The following MSI2 variants were observed in gnomAD, a reference collection of about 807,000 sequenced individuals.
MSI2 encodes musashi RNA binding protein 2, also known as RNA-binding protein Musashi homolog 2.
In MSI2, 17 loss-of-function variants were observed where a neutral mutation model predicts 45.6. That is an observed-to-expected ratio of 0.37 (90% CI 0.26 to 0.56). The LOEUF is 0.56. Among genes scored for constraint, MSI2 ranks in the 20% least tolerant of loss-of-function variants. The pLI, the probability that MSI2 is intolerant of heterozygous loss-of-function variation, is 0.77. For synonymous variants in MSI2, 156 were observed against 158.2 expected (o/e 0.99, Z 0.11); for missense variants, 293 against 444.2 (o/e 0.66, Z 3.06).
intron 7 of MSI2, among the ~76,000 whole-genome samples, chr17:57,589,600 G>T (rs776991089): frequency 6.6e-6 from 1 of 152,198 alleles, no homozygotes; most frequent in Admixed American, 6.5e-5. Flanking sequence ...ACTGGGGCTC[G>T]ACTTGTGACG....
At chr17:57,483,402 T>C (rs1485837020) in intron 6 of MSI2, among the ~76,000 whole-genome samples, 2 of 152,178 alleles carry the variant, frequency 1.3e-5, no homozygotes, top group Non-Finnish European at 2.9e-5. Context: ...AATATTAGGG[T>C]GCATCCGAAT....
chr17:57,679,333 G>C (rs1913459649), intron 13 of MSI2, among the ~76,000 whole-genome samples: 1 of 152,192 alleles, frequency 6.6e-6, no homozygotes, highest in African/African-American at 2.4e-5. Flanking sequence ...CCCAGTGTCA[G>C]GTATGGTTTA....
downstream of MSI2, among the ~76,000 whole-genome samples, chr17:57,688,618 C>T (rs1417736253): frequency 6.6e-6 from 1 of 151,958 alleles, no homozygotes; most frequent in Non-Finnish European, 1.5e-5. Context: ...TTGAAAAATA[C>T]ATATATATGT....
Position 57,257,448 on chromosome 17 carries a change from C to A in MSI2, c.104-18C>A. 7.9e-7 allele frequency: 1 copy of A among 1,268,798 alleles called. No individual in the cohort carries two copies. Among genetic ancestry groups the A allele is most frequent in the South Asian group, 1.2e-5 (1 of 80,380 alleles). 78.6% of individuals were successfully genotyped at this position (1,268,798 alleles called of 1,614,324 possible). A position where few individuals can be genotyped will look rare whatever the true frequency, so the allele number is the denominator to read the frequency against. ...CACCTTCTCTCCCCCCCCCATCTCTCTCTTTCTCTCTCTACAGATAGCCTT... is the reference window on the plus strand; with the variant it reads ...CACCTTCTCTCCCCCCCCCATCTCTATCTTTCTCTCTCTACAGATAGCCTT... On this transcript the variant is annotated intron_variant, in intron 2 of 13. Transcript: ENST00000284073.
intron 5 of MSI2, among the ~76,000 whole-genome samples, chr17:57,371,655 G>C (rs1036441531): frequency 1.3e-5 from 2 of 151,936 alleles, no homozygotes; most frequent in East Asian, 3.9e-4. Flanking sequence ...TGTCTATGTG[G>C]TGTTGTGACT....
At chr17:57,518,284 A>G (rs2086511719) in intron 6 of MSI2, among the ~76,000 whole-genome samples, 1 of 152,186 alleles carries the variant, frequency 6.6e-6, no homozygotes, top group African/African-American at 2.4e-5. Flanking sequence ...TGGGATTGGA[A>G]CCAAGATTTT....
At chr17:57,495,353 T>C (rs2085955056) in intron 6 of MSI2, among the ~76,000 whole-genome samples, 1 of 151,622 alleles carries the variant, frequency 6.6e-6, no homozygotes. Context: ...ACCAACATAG[T>C]GAAACCCCGT....
intron 8 of MSI2, among the ~76,000 whole-genome samples, chr17:57,602,345 G>GTTTGT (rs760121833): frequency 1.1e-4 from 17 of 151,602 alleles, no homozygotes; most frequent in South Asian, 4.2e-4. Flanking sequence ...TTTGTTTTTT[G>GTTTGT]TTTGTTTTGT....
At chr17:57,472,695 C>G (rs371016503) in intron 6 of MSI2, among the ~76,000 whole-genome samples, 6 of 152,088 alleles carry the variant, frequency 3.9e-5, no homozygotes, top group Non-Finnish European at 8.8e-5. Flanking sequence ...GTTGTTATTG[C>G]GTTGCTGTGC....
intron 6 of MSI2, among the ~76,000 whole-genome samples, chr17:57,409,069 G>T (rs1249605942): frequency 6.6e-6 from 1 of 152,074 alleles, no homozygotes; most frequent in African/African-American, 2.4e-5. Flanking sequence ...CTTGGTATTT[G>T]TGAATTAGCT....
intron 6 of MSI2, among the ~76,000 whole-genome samples, chr17:57,411,760 G>A (rs1052832147): frequency 6.6e-6 from 1 of 152,092 alleles, no homozygotes; most frequent in Non-Finnish European, 1.5e-5. Context: ...TGTAATCCCA[G>A]CACTTTGGGA....
At chr17:57,310,346 T>C (rs970690304) in intron 5 of MSI2, among the ~76,000 whole-genome samples, 1 of 151,724 alleles carries the variant, frequency 6.6e-6, no homozygotes, top group African/African-American at 2.4e-5. Flanking sequence ...TTTTTTTTTT[T>C]TTTCCGAGTT....
At chr17:57,440,432 G>GTA (rs1007050650) in intron 6 of MSI2, among the ~76,000 whole-genome samples, 1 of 146,642 alleles carries the variant, frequency 6.8e-6, no homozygotes, top group Non-Finnish European at 1.5e-5. Context: ...GTGTGTGTGT[G>GTA]TGTGTGTGTG....
At chr17:57,388,678 A>C (rs1256211285) in intron 5 of MSI2, among the ~76,000 whole-genome samples, 1 of 150,882 alleles carries the variant, frequency 6.6e-6, no homozygotes, top group Non-Finnish European at 1.5e-5. Context: ...TTTTTTGGAG[A>C]CTTCTTGCTT....
intron 10 of MSI2, chr17:57,632,476 C>G (rs912024897): frequency 6.6e-6 from 7 of 1,066,100 alleles, no homozygotes; most frequent in Non-Finnish European, 5.7e-6. Context: ...TGCCACATGA[C>G]AGGCACGGTG....
chr17:57,329,530 G>GAA (rs1418477202), intron 5 of MSI2, among the ~76,000 whole-genome samples: 1 of 152,194 alleles, frequency 6.6e-6, no homozygotes, highest in Non-Finnish European at 1.5e-5. Flanking sequence ...GGGTGGGCCA[G>GAA]AAACTCATAG....
In MSI2 at chr17:57,681,681, G is replaced by T. The variant is rs1266114091; in HGVS notation, c.*2164G>T. On this transcript the variant is annotated 3_prime_UTR_variant, in exon 14 of 14. Coordinates refer to ENST00000284073, the MANE Select transcript of MSI2 (RefSeq NM_138962.4). ...TGTTTTTCTAATAAAATGTTAGGTT[G>T]TTTGGTGAGGTTTTTTTGTTGTTTT... is the stretch of plus-strand genomic sequence containing the variant. 5.3e-6 allele frequency: 1 copy of T among 190,370 alleles called. No individual in the cohort carries two copies. Among genetic ancestry groups the T allele is most frequent in the Non-Finnish European group, 1.1e-5 (1 of 91,148 alleles). The allele number at this position is 190,370 out of a possible 1,614,324, so 11.8% of individuals were successfully genotyped here.
chr17:57,419,701 C>T (rs1361417074), intron 6 of MSI2, among the ~76,000 whole-genome samples: 1 of 152,096 alleles, frequency 6.6e-6, no homozygotes, highest in African/African-American at 2.4e-5. Context: ...CTAGCTGCAC[C>T]AAGCCATCTA....
At chr17:57,327,838 A>C (rs1913932026) in intron 5 of MSI2, among the ~76,000 whole-genome samples, 1 of 151,948 alleles carries the variant, frequency 6.6e-6, no homozygotes, top group South Asian at 2.1e-4. Flanking sequence ...GTTCAGGGTG[A>C]GACATTTGCC....
Sources: gnomAD v4.1 joint callset for allele counts (sites outside exome capture counted in the v4.1 genomes callset) on GRCh38, gnomAD v4.1.1 for gene constraint, MANE v1.5 for transcripts, NCBI Gene and HGNC (gene_info 2026-07-23, HGNC 2026-07-21) for gene names.